SLC4A4: variants seen among roughly 807,000 people sequenced by gnomAD.
The protein encoded by SLC4A4 is electrogenic sodium bicarbonate cotransporter 1.
A neutral mutation model predicts 111.5 loss-of-function variants in SLC4A4; 27 were observed. The ratio of observed to expected loss-of-function variants is 0.24; its 90% CI spans 0.18 to 0.33. SLC4A4 has a LOEUF of 0.33. Ranked by LOEUF, SLC4A4 falls within the 10% of genes least tolerant of loss-of-function variation. SLC4A4 has a pLI of 1.00. For missense variants in SLC4A4, 909 were observed against 1,315.5 expected (o/e 0.69, Z 4.78); for synonymous variants, 443 against 463.4 (o/e 0.96, Z 0.57).
intron 2 of SLC4A4, among the ~76,000 whole-genome samples, chr4:71,116,320 A>C (rs1743248450): frequency 6.6e-6 from 1 of 152,196 alleles, no homozygotes; most frequent in African/African-American, 2.4e-5. Flanking sequence ...GTTTAAGTCC[A>C]GTTGGAGATT....
chr4:71,100,795 C>G (rs1295930995), intron 2 of SLC4A4, among the ~76,000 whole-genome samples: 1 of 152,172 alleles, frequency 6.6e-6, no homozygotes, highest in African/African-American at 2.4e-5. Context: ...CATTCCTATA[C>G]TCCAGCAGCT....
intron 7 of SLC4A4, among the ~76,000 whole-genome samples, chr4:71,408,296 A>G (rs1721056123): frequency 6.6e-6 from 1 of 152,180 alleles, no homozygotes; most frequent in African/African-American, 2.4e-5. Context: ...CAGTTTTCTG[A>G]TTCATAATAG....
At chr4:71,551,419 T>C (rs1356250494) in intron 20 of SLC4A4, among the ~76,000 whole-genome samples, 2 of 151,892 alleles carry the variant, frequency 1.3e-5, no homozygotes, top group African/African-American at 4.8e-5. Flanking sequence ...ATGGTGATGA[T>C]GATGATGATA....
intron 3 of SLC4A4, among the ~76,000 whole-genome samples, chr4:71,274,219 A>T (rs549269286): frequency 3.3e-5 from 5 of 152,314 alleles, no homozygotes; most frequent in African/African-American, 9.6e-5. Context: ...TTTACTACTG[A>T]TTAAGTGGAA....
chr4:71,181,279 C>A (rs142253140), intron 2 of SLC4A4, among the ~76,000 whole-genome samples: 18 of 151,734 alleles, frequency 1.2e-4, no homozygotes, highest in Non-Finnish European at 2.6e-4. Context: ...GATGAGTTAC[C>A]GAGTGCAGCA....
intron 1 of SLC4A4, among the ~76,000 whole-genome samples, chr4:71,085,962 G>A (rs969676578): frequency 6.6e-6 from 1 of 151,964 alleles, no homozygotes; most frequent in African/African-American, 2.4e-5. Flanking sequence ...TAGCTTGATG[G>A]GGATGGCATT....
At chr4:71,433,475 G>C (rs7658185) in intron 7 of SLC4A4, among the ~76,000 whole-genome samples, 129,122 of 151,712 alleles carry the variant, frequency 0.85, 55,687 homozygotes, top group Non-Finnish European at 0.92. Flanking sequence ...TGTAATATCT[G>C]CCATAAAAAA....
intron 3 of SLC4A4, among the ~76,000 whole-genome samples, chr4:71,306,207 C>T (rs1055667465): frequency 2.6e-5 from 4 of 152,076 alleles, no homozygotes; most frequent in African/African-American, 9.7e-5. Context: ...TTCCTGGTTT[C>T]AGTTTCTGTC....
At chr4:71,114,578 T>C (rs2148953272) in intron 2 of SLC4A4, among the ~76,000 whole-genome samples, 1 of 150,422 alleles carries the variant, frequency 6.6e-6, no homozygotes, top group South Asian at 2.1e-4. Context: ...AAAAAACACA[T>C]GAAAAAATGC....
chr4:71,144,837 G>A (rs1250338291), intron 2 of SLC4A4, among the ~76,000 whole-genome samples: 8 of 152,138 alleles, frequency 5.3e-5, no homozygotes, highest in Non-Finnish European at 1.2e-4. Flanking sequence ...TCAGCTTAAG[G>A]GGATTTTGGA....
chr4:71,536,482 A>ATATATATATATATATATG (rs1320351906), intron 18 of SLC4A4, among the ~76,000 whole-genome samples: 2 of 103,934 alleles, frequency 1.9e-5, no homozygotes, highest in African/African-American at 6.7e-5. Flanking sequence ...ATATATATAT[A>ATATATATATATATATATG]TATATGTATA....
intron 7 of SLC4A4, among the ~76,000 whole-genome samples, chr4:71,409,783 C>T (rs1489203070): frequency 6.6e-6 from 1 of 152,134 alleles, no homozygotes; most frequent in Admixed American, 6.5e-5. Context: ...TTCATGAAAG[C>T]CCCTCCCATC....
chr4:71,547,413 G>T (rs578145798), intron 19 of SLC4A4, among the ~76,000 whole-genome samples: 2 of 152,076 alleles, frequency 1.3e-5, no homozygotes, highest in South Asian at 4.1e-4. Flanking sequence ...AATTTAGCAG[G>T]ATTACTTCTT....
intron 1 of SLC4A4, among the ~76,000 whole-genome samples, chr4:71,089,788 G>T (rs1404475052): frequency 6.6e-6 from 1 of 152,030 alleles, no homozygotes; most frequent in Non-Finnish European, 1.5e-5. Context: ...CCGGCCATGT[G>T]AGGTGTCAGT....
At chr4:71,567,361 A>G (rs965605) in intron 25 of SLC4A4, among the ~76,000 whole-genome samples, 138,102 of 151,660 alleles carry the variant, frequency 0.91, 63,997 homozygotes, top group Non-Finnish European at 0.99. Context: ...TCCCTGATTT[A>G]AAGAGGTAAC....
chr4:71,341,638 G>T (rs1728914131), intron 4 of SLC4A4, among the ~76,000 whole-genome samples: 1 of 151,988 alleles, frequency 6.6e-6, no homozygotes, highest in Non-Finnish European at 1.5e-5. Context: ...AAGTTAATTG[G>T]ATTTTTTGTA....
intron 8 of SLC4A4, among the ~76,000 whole-genome samples, chr4:71,445,884 T>C (rs1725181309): frequency 6.6e-6 from 1 of 152,190 alleles, no homozygotes; most frequent in African/African-American, 2.4e-5. Flanking sequence ...AGGGGCCAGC[T>C]TCGAAGGGAC....
intron 12 of SLC4A4, among the ~76,000 whole-genome samples, chr4:71,456,407 A>G (rs1726274719): frequency 1.3e-5 from 2 of 152,272 alleles, no homozygotes; most frequent in Non-Finnish European, 2.9e-5. Flanking sequence ...TAATAGTTTT[A>G]TATATTTTAA....
At chr4:71,373,154 A>G (rs1732039024) in intron 6 of SLC4A4, among the ~76,000 whole-genome samples, 1 of 152,178 alleles carries the variant, frequency 6.6e-6, no homozygotes, top group African/African-American at 2.4e-5. Flanking sequence ...TCAATTCAAC[A>G]GCTGTTCACC....
Sources: gnomAD v4.1 joint callset for allele counts (sites outside exome capture counted in the v4.1 genomes callset) on GRCh38, gnomAD v4.1.1 for gene constraint, MANE v1.5 for transcripts, NCBI Gene and HGNC (gene_info 2026-07-23, HGNC 2026-07-21) for gene names.